The following DENND1B variants were observed in gnomAD, a reference collection of about 807,000 sequenced individuals.
DENND1B encodes the protein DENN domain-containing protein 1B.
DENND1B carries 59 observed loss-of-function variants against 90.1 expected under a neutral mutation model. The ratio of observed to expected loss-of-function variants is 0.65; its 90% CI spans 0.53 to 0.81. The LOEUF is 0.81. DENND1B is among the 40% of genes least tolerant of loss of function. DENND1B has a pLI of 0.00. For missense variants in DENND1B, 862 were observed against 912.6 expected, an observed-to-expected ratio of 0.94 and a Z score of 0.71; for synonymous variants, 337 against 324.6, an observed-to-expected ratio of 1.04 and a Z score of -0.41.
intron 13 of DENND1B, among the ~76,000 whole-genome samples, chr1:197,602,275 T>C (rs1053615878): frequency 2.6e-5 from 4 of 151,544 alleles, no homozygotes; most frequent in African/African-American, 9.7e-5. Context: ...CAATCACTTA[T>C]TGAATGCCTA....
Position 197,527,684 on chromosome 1 carries a change from T to C in DENND1B, c.1515+12280A>G, listed in dbSNP as rs371654400. On this transcript the variant is annotated intron_variant, in intron 20 of 22. Coordinates refer to ENST00000620048, the MANE Select transcript of DENND1B (RefSeq NM_001195215.2). ...AATTACACAGTGATAAAAATAAAGA[T>C]TGTCTTGCTTATCATGATTTGATTC... Among the ~76,000 whole-genome samples the C allele has an allele frequency of 2.0e-5, 3 of 152,284 alleles. No individual in the cohort carries two copies. In the East Asian group the frequency reaches 5.8e-4, roughly 29 times the overall value.
intron 6 of DENND1B, among the ~76,000 whole-genome samples, chr1:197,655,700 T>G (rs920232482): frequency 2.6e-5 from 4 of 151,850 alleles, no homozygotes; most frequent in African/African-American, 9.7e-5. Flanking sequence ...CCCGGCTAAT[T>G]TTTTTGTATT....
At position 197,510,476 on chromosome 1, in the gene DENND1B, T is replaced by A. The variant is rs374881007; in HGVS notation, c.2312A>T (p.Asn771Ile). The A allele has an allele frequency of 5.6e-6, 9 of 1,604,176 alleles. No individual in the cohort carries two copies. Among genetic ancestry groups the A allele is most frequent in the Non-Finnish European group, 6.8e-6 (8 of 1,174,694 alleles). ...QSLNISDKNTNGNQT is the reference protein window; with the variant it reads ...QSLNISDKNTIGNQT ...ATGCAAGATTTAAGTTTGGTTTCCA[T>A]TTGTGTTTTTGTCTGAAATGTTCAA... Residue 771 changes from asparagine (N) to isoleucine (I), a missense_variant, in exon 23 of 23, where the codon AAT becomes ATT. Physicochemically the swap from Asn to Ile is moderately radical, Grantham distance 149. Transcript: ENST00000620048.
intron 13 of DENND1B, among the ~76,000 whole-genome samples, chr1:197,601,345 A>C (rs1676192712): frequency 1.3e-5 from 2 of 151,734 alleles, no homozygotes; most frequent in South Asian, 4.1e-4. Flanking sequence ...TCAGAAACAT[A>C]ATTCATTTAA....
Position 197,529,264 on chromosome 1 carries a change from GTGTGTATATGTATATATGTA to G in DENND1B, c.1515+10680_1515+10699del, listed in dbSNP as rs1326058354. On this transcript the variant is annotated intron_variant, in intron 20 of 22. Coordinates refer to ENST00000620048, the MANE Select transcript of DENND1B (RefSeq NM_001195215.2). ...TATATGTGTGTGTGTGTGTGTGTGT[GTGTGTATATGTATATATGTA>G]TATATATGTATATATGTGTATATAT... Among the ~76,000 whole-genome samples, 11 of 52,556 alleles carry G rather than the reference GTGTGTATATGTATATATGTA, an allele frequency of 2.1e-4. 1 individual carries two copies. The highest frequency in any genetic ancestry group is 0.02 in the Middle Eastern group (2 of 98). 34.5% of individuals were successfully genotyped at this position (52,556 alleles called of 152,430 possible).
intron 2 of DENND1B, among the ~76,000 whole-genome samples, chr1:197,720,119 T>A (rs554864980): frequency 1.1e-4 from 17 of 152,232 alleles, no homozygotes; most frequent in Non-Finnish European, 2.4e-4. Context: ...AAGTGTACTA[T>A]ATAAATACCT....
rs76172163 is a variant in DENND1B at position 197,686,923 on chromosome 1, G to A, written c.127-12754C>T. 5.3e-3 allele frequency among the ~76,000 whole-genome samples: 808 copies of A among 152,166 alleles called. 9 individuals carry two copies. Among genetic ancestry groups the A allele is most frequent in the African/African-American group, 0.018 (749 of 41,524 alleles). Reference sequence around the variant, plus strand: ...TGCTAGGTTCAGAATCCAGTTCAACGACCTAACAGCTGTGTAAAATCGTTC... The same window carrying A: ...TGCTAGGTTCAGAATCCAGTTCAACAACCTAACAGCTGTGTAAAATCGTTC... On this transcript the variant is annotated intron_variant, in intron 3 of 22. Coordinates refer to ENST00000620048, the MANE Select transcript of DENND1B (RefSeq NM_001195215.2).
At chr1:197,580,087 C>CTTTTTTTTTTTTTTT (rs139056668) in intron 15 of DENND1B, among the ~76,000 whole-genome samples, 40 of 76,750 alleles carry the variant, frequency 5.2e-4, no homozygotes, top group Non-Finnish European at 6.0e-4. Context: ...TTCTTTCTTT[C>CTTTTTTTTTTTTTTT]TTTTTTTTTT....
chr1:197,549,477 C>T (rs371658568), intron 16 of DENND1B, among the ~76,000 whole-genome samples: 1 of 152,232 alleles, frequency 6.6e-6, no homozygotes, highest in African/African-American at 2.4e-5. Context: ...AGAGTAACCA[C>T]ATACTCCTCA....
chr1:197,676,671 A>C (rs1022955244), intron 3 of DENND1B, among the ~76,000 whole-genome samples: 3 of 152,182 alleles, frequency 2.0e-5, no homozygotes, highest in African/African-American at 7.2e-5. Context: ...AGGAATAATA[A>C]AAAGAATGGA....
chr1:197,698,972 T>C (rs1462340983), intron 3 of DENND1B, among the ~76,000 whole-genome samples: 1 of 152,166 alleles, frequency 6.6e-6, no homozygotes, highest in Non-Finnish European at 1.5e-5. Flanking sequence ...AGCTGAATTC[T>C]ACCAGAAATA....
intron 2 of DENND1B, among the ~76,000 whole-genome samples, chr1:197,753,846 C>CA (rs901874461): frequency 1.1e-4 from 16 of 151,408 alleles, no homozygotes; most frequent in Admixed American, 2.0e-4. Flanking sequence ...ACTAAAAATA[C>CA]AAAAAAAACT....
chr1:197,731,461 A>G (rs1252107548), intron 2 of DENND1B, among the ~76,000 whole-genome samples: 3 of 152,156 alleles, frequency 2.0e-5, no homozygotes, highest in Non-Finnish European at 2.9e-5. Context: ...GAGTTGGGGG[A>G]TTATCATTTG....
chr1:197,735,907 T>A, intron 2 of DENND1B: 1 of 1,527,704 alleles, frequency 6.5e-7, no homozygotes, highest in South Asian at 1.1e-5. Context: ...GCTGATATAA[T>A]GGCCAAGAGG....
upstream of DENND1B, among the ~76,000 whole-genome samples, chr1:197,780,515 A>T (rs1657400432): frequency 6.6e-6 from 1 of 151,784 alleles, no homozygotes; most frequent in Admixed American, 6.6e-5. Flanking sequence ...TAGTAGAGGC[A>T]GGGTTTCACC....
rs540547250 is a variant in DENND1B at position 197,537,125 on chromosome 1, A to G, written c.1515+2839T>C. The stretch of plus-strand genomic sequence containing the variant: ...GGACACATAACGAATACAAAGAAAC[A>G]TACATACTGGGTATACATGTTTCCT... On this transcript the variant is annotated intron_variant, in intron 20 of 22. Transcript: ENST00000620048. 2.2e-3 allele frequency among the ~76,000 whole-genome samples: 341 copies of G among 152,246 alleles called. 2 individuals are homozygous for G. The highest frequency in any genetic ancestry group is 5.6e-3 in the South Asian group (27 of 4,822).
chr1:197,537,842 AAC>A (rs1307318631), intron 20 of DENND1B, among the ~76,000 whole-genome samples: 1 of 152,058 alleles, frequency 6.6e-6, no homozygotes, highest in Non-Finnish European at 1.5e-5. Context: ...TATAATTAAT[AAC>A]AGAGTACTGT....
chr1:197,643,376 C>T (rs1400144895), intron 9 of DENND1B, among the ~76,000 whole-genome samples: 8 of 151,958 alleles, frequency 5.3e-5, no homozygotes, highest in East Asian at 3.9e-4. Context: ...GGGTTGGTCT[C>T]GAACTCCTGA....
intron 10 of DENND1B, among the ~76,000 whole-genome samples, chr1:197,620,977 A>G (rs978619817): frequency 6.6e-6 from 1 of 151,332 alleles, no homozygotes; most frequent in African/African-American, 2.4e-5. Context: ...ACCTAACTGA[A>G]GGGAGAGAGT....
Sources: allele counts gnomAD v4.1 joint callset (sites outside exome capture counted in the v4.1 genomes callset), GRCh38; gene constraint gnomAD v4.1.1; transcripts MANE v1.5; gene names NCBI Gene and HGNC (gene_info 2026-07-23, HGNC 2026-07-21).